Variants in BLZF1 observed in about 807,000 individuals in gnomAD.
BLZF1 encodes the protein basic leucine zipper nuclear factor 1.
BLZF1 carries 39 observed loss-of-function variants against 43.8 expected under a neutral mutation model. The ratio of observed to expected loss-of-function variants is 0.89; its 90% CI spans 0.69 to 1.16. The LOEUF (loss-of-function observed/expected upper bound fraction) is 1.16. Among genes scored for constraint, BLZF1 ranks in the 50% most tolerant of loss-of-function variants. BLZF1 has a pLI of 0.00. For synonymous variants in BLZF1, 136 were observed against 159.4 expected (o/e 0.85, Z 1.11); for missense variants, 449 against 469.8 (o/e 0.96, Z 0.41).
downstream of BLZF1, among the ~76,000 whole-genome samples, chr1:169,390,716 A>G (rs955762421): frequency 6.6e-6 from 1 of 152,186 alleles, no homozygotes; most frequent in Non-Finnish European, 1.5e-5. Context: ...TTTTTCCCAC[A>G]CAAGAGATTT....
At chr1:169,396,228 T>C (rs1435419806) in exon 8 of BLZF1, 2 of 152,174 alleles carry the variant, frequency 1.3e-5, no homozygotes, top group Non-Finnish European at 2.9e-5. Context: ...GCACATTTAC[T>C]GTTTCTGTTA....
At chr1:169,380,704 GGT>G in intron 5 of BLZF1, 95 bp downstream of exon 5, 1 of 1,438,214 alleles carries the variant, frequency 7.0e-7, no homozygotes, top group Non-Finnish European at 9.6e-7. Flanking sequence ...TTTTGTTTTG[GGT>G]GTGTCTACAT....
At chr1:169,379,980 T>A (rs538468130) in intron 4 of BLZF1, among the ~76,000 whole-genome samples, 2 of 151,520 alleles carry the variant, frequency 1.3e-5, no homozygotes, top group East Asian at 3.9e-4. Flanking sequence ...TATACATAAA[T>A]TTTTTTTTGA....
intron 5 of BLZF1, among the ~76,000 whole-genome samples, chr1:169,381,175 A>G (rs919991620): frequency 2.6e-5 from 4 of 152,108 alleles, no homozygotes; most frequent in East Asian, 1.9e-4. Context: ...GAAGATATAC[A>G]TTACCAGTAT....
downstream of BLZF1, among the ~76,000 whole-genome samples, chr1:169,390,548 A>G: frequency 6.6e-6 from 1 of 152,206 alleles, no homozygotes; most frequent in East Asian, 1.9e-4. Context: ...TAGGTAAACT[A>G]GTTTACAGAC....
At chr1:169,393,084 T>G (rs1470101478), downstream of BLZF1, among the ~76,000 whole-genome samples, 3 of 152,154 alleles carry the variant, frequency 2.0e-5, no homozygotes, top group Non-Finnish European at 4.4e-5. Flanking sequence ...TGAGCCTGGG[T>G]GTATGGTCTG....
At chr1:169,388,685 A>G (rs764100602), downstream of BLZF1, among the ~76,000 whole-genome samples, 7 of 152,172 alleles carry the variant, frequency 4.6e-5, no homozygotes, top group Non-Finnish European at 1.0e-4. Context: ...AAAACAACCC[A>G]ATAAAAATTA....
At chr1:169,380,383 G>C in intron 4 of BLZF1, 98 bp from the exon 5 acceptor site, 1 of 1,167,212 alleles carries the variant, frequency 8.6e-7, no homozygotes, top group Non-Finnish European at 1.2e-6. Context: ...TTAAATCTTT[G>C]TTAGCTTCTG....
At chr1:169,378,190 T>C in intron 3 of BLZF1, 140 bp from the exon 4 acceptor site, 1 of 716,484 alleles carries the variant, frequency 1.4e-6, no homozygotes, top group Non-Finnish European at 2.3e-6. Flanking sequence ...ACTTAAATAT[T>C]TAATTTTACT....
At chr1:169,373,802 C>G (rs1309653051) in intron 2 of BLZF1, among the ~76,000 whole-genome samples, 2 of 152,050 alleles carry the variant, frequency 1.3e-5, no homozygotes, top group African/African-American at 4.8e-5. Context: ...GTAATTTGTT[C>G]TTGAATCTCT....
At chr1:169,376,475 T>A (rs1654345727) in intron 2 of BLZF1, 65 bp from the exon 3 acceptor site, 19 of 1,403,164 alleles carry the variant, frequency 1.4e-5, no homozygotes, top group Non-Finnish European at 1.7e-5. Flanking sequence ...GGGTATAGCA[T>A]GTATTAGCAT....
At chr1:169,369,151 CAT>C (rs1215387161) in intron 1 of BLZF1, among the ~76,000 whole-genome samples, 1 of 152,134 alleles carries the variant, frequency 6.6e-6, no homozygotes, top group Non-Finnish European at 1.5e-5. Context: ...TTCCTCTTGT[CAT>C]ATGGATGACA....
At chr1:169,375,378 CATATATATATAAAACAT>C (rs1295053162) in intron 2 of BLZF1, among the ~76,000 whole-genome samples, 9 of 100,114 alleles carry the variant, frequency 9.0e-5, no homozygotes, top group African/African-American at 3.1e-4. Flanking sequence ...ACATATAAAA[CATATATATATAAAACAT>C]ATATATATAT....
At chr1:169,381,209 T>C (rs1654517882) in intron 5 of BLZF1, among the ~76,000 whole-genome samples, 1 of 151,814 alleles carries the variant, frequency 6.6e-6, no homozygotes, top group African/African-American at 2.4e-5. Flanking sequence ...GGGGGTACAA[T>C]ATAGACTCTA....
At chr1:169,392,666 T>C (rs971849354), downstream of BLZF1, among the ~76,000 whole-genome samples, 1 of 152,106 alleles carries the variant, frequency 6.6e-6, no homozygotes, top group African/African-American at 2.4e-5. Flanking sequence ...GTCTGGGGGA[T>C]CTGGATGGGG....
chr1:169,382,599 G>A (rs1654558215), intron 6 of BLZF1, among the ~76,000 whole-genome samples: 1 of 152,134 alleles, frequency 6.6e-6, no homozygotes, highest in South Asian at 2.1e-4. Flanking sequence ...TTTTAATGTA[G>A]ATTAAATTAG....
intron 2 of BLZF1, 71 bp downstream of exon 2, chr1:169,369,621 A>G (rs747015706): frequency 5.0e-6 from 6 of 1,211,048 alleles, no homozygotes; most frequent in African/African-American, 1.5e-5. Context: ...TTTGAGCCAG[A>G]TAACTAGATC....
At chr1:169,393,382 GTT>G (rs1439141491) in intron 7 of BLZF1, among the ~76,000 whole-genome samples, 1 of 151,844 alleles carries the variant, frequency 6.6e-6, no homozygotes, top group African/African-American at 2.4e-5. Flanking sequence ...GAGGTCAGGA[GTT>G]TGAGACCAGC....
chr1:169,384,988 A>C (rs1416215269), intron 6 of BLZF1, among the ~76,000 whole-genome samples: 3 of 152,034 alleles, frequency 2.0e-5, no homozygotes, highest in Non-Finnish European at 4.4e-5. Flanking sequence ...TTTTTATCCA[A>C]AATTTTGTTT....
Sources: allele counts gnomAD v4.1 joint callset (sites outside exome capture counted in the v4.1 genomes callset), GRCh38; gene constraint gnomAD v4.1.1; transcripts MANE v1.5; gene names NCBI Gene and HGNC (gene_info 2026-07-23, HGNC 2026-07-21).